The following SUGCT variants were observed in gnomAD, a reference collection of about 807,000 sequenced individuals.
SUGCT encodes succinyl-CoA:glutarate-CoA transferase, also known as succinyl-CoA:glutarate CoA-transferase.
SUGCT carries 41 observed loss-of-function variants against 55.0 expected under a neutral mutation model. That is an observed-to-expected ratio of 0.74 (90% CI 0.58 to 0.97). SUGCT has a LOEUF of 0.97. Among genes scored for constraint, SUGCT ranks in the 50% least tolerant of loss-of-function variants. SUGCT has a pLI of 0.00. For synonymous variants in SUGCT, 187 were observed against 200.4 expected (o/e 0.93, Z 0.56); for missense variants, 568 against 547.8 (o/e 1.04, Z -0.37).
intron 13 of SUGCT, among the ~76,000 whole-genome samples, chr7:40,775,870 G>A (rs1344036610): frequency 6.6e-6 from 1 of 152,204 alleles, no homozygotes; most frequent in Non-Finnish European, 1.5e-5. Context: ...ACACAGATAA[G>A]GCTTTCAGAA....
At chr7:40,415,380 A>T (rs1338049281) in intron 9 of SUGCT, among the ~76,000 whole-genome samples, 1 of 148,674 alleles carries the variant, frequency 6.7e-6, no homozygotes, top group Non-Finnish European at 1.5e-5. Flanking sequence ...GTTTATGTTT[A>T]TTGGACATTT....
At chr7:40,995,731 C>G in the SUGCT span, among the ~76,000 whole-genome samples, 65 of 152,078 alleles carry the variant, frequency 4.3e-4, 2 homozygotes, top group Non-Finnish European at 7.4e-5. Context: ...AACTTAAAAC[C>G]TTACAGCCCT....
chr7:40,411,825 A>G (rs148059888), intron 9 of SUGCT, among the ~76,000 whole-genome samples: 49 of 152,318 alleles, frequency 3.2e-4, no homozygotes, highest in African/African-American at 1.0e-3. Flanking sequence ...GGATATCCCA[A>G]TTGCCCTGAT....
the SUGCT span, among the ~76,000 whole-genome samples, chr7:40,968,340 C>T: frequency 5.9e-5 from 9 of 152,188 alleles, no homozygotes; most frequent in Non-Finnish European, 1.2e-4. Flanking sequence ...AACAGTGGAA[C>T]CGTGTCTGCC....
the SUGCT span, among the ~76,000 whole-genome samples, chr7:40,913,071 C>T: frequency 2.1e-5 from 3 of 140,520 alleles, no homozygotes; most frequent in East Asian, 4.2e-4. Flanking sequence ...AGTGCAGTGG[C>T]GCGATCTTGG....
chr7:40,611,127 GT>G (rs201642440), intron 12 of SUGCT, among the ~76,000 whole-genome samples: 1,718 of 152,282 alleles, frequency 0.011, 22 homozygotes, highest in African/African-American at 0.038. Flanking sequence ...CACTCATACA[GT>G]TTTTTAGTCA....
chr7:40,341,156 CTATT>C (rs1392238160), intron 9 of SUGCT, among the ~76,000 whole-genome samples: 2 of 152,152 alleles, frequency 1.3e-5, no homozygotes, highest in African/African-American at 2.4e-5. Context: ...ACCCTACAAT[CTATT>C]GACTGTTGAA....
chr7:40,582,536 A>T (rs1410481468), intron 12 of SUGCT, among the ~76,000 whole-genome samples: 1 of 152,184 alleles, frequency 6.6e-6, no homozygotes, highest in Non-Finnish European at 1.5e-5. Flanking sequence ...CTATTTGTAG[A>T]CACTATTTTT....
rs1185009195 is a variant in SUGCT, at chr7:40,272,107, ATATATG to A, written c.577-2405_577-2400del. Among the ~76,000 whole-genome samples the A allele has an allele frequency of 9.0e-3, 1,153 of 127,476 alleles. 86 individuals are homozygous for A. The highest frequency in any genetic ancestry group is 0.035 in the African/African-American group (1,103 of 31,228). The allele number at this position is 127,476 out of a possible 152,430, so 83.6% of individuals were successfully genotyped here. ...TCTCTCTCTCTCTCTATATATATAT[ATATATG>A]GATGTTTCAAAAACAACTGCAATGT... On this transcript the variant is annotated intron_variant, in intron 7 of 13. Transcript: ENST00000335693.
At chr7:40,580,272 C>T (rs1797011783) in intron 12 of SUGCT, among the ~76,000 whole-genome samples, 1 of 152,136 alleles carries the variant, frequency 6.6e-6, no homozygotes, top group Admixed American at 6.5e-5. Flanking sequence ...TTATCTATCT[C>T]TTGATCAATT....
At chr7:41,026,123 C>A in the SUGCT span, among the ~76,000 whole-genome samples, 2 of 152,240 alleles carry the variant, frequency 1.3e-5, no homozygotes, top group Non-Finnish European at 2.9e-5. Flanking sequence ...TCTTACGTTG[C>A]CTCCTGGCCA....
At chr7:40,480,116 C>T (rs776024724) in intron 11 of SUGCT, among the ~76,000 whole-genome samples, 13 of 151,872 alleles carry the variant, frequency 8.6e-5, no homozygotes, top group African/African-American at 1.2e-4. Context: ...AGGAAACTTT[C>T]CCCCCATCTT....
At position 40,491,992 on chromosome 7, in the gene SUGCT, A is replaced by AAAATAAATAAATAAATAAAT. The variant is rs10669502; in HGVS notation, c.987-4285_987-4266dup. Among the ~76,000 whole-genome samples the AAAATAAATAAATAAATAAAT allele has an allele frequency of 5.4e-3, 814 of 150,126 alleles. 7 individuals are homozygous for AAAATAAATAAATAAATAAAT. Among genetic ancestry groups the AAAATAAATAAATAAATAAAT allele is most frequent in the African/African-American group, 0.018 (731 of 40,278 alleles). On this transcript the variant is annotated intron_variant, in intron 11 of 13. Coordinates refer to ENST00000335693, the MANE Select transcript of SUGCT (RefSeq NM_001193313.2). ...GCGATAGAGCAAAACTCTGTTTCCA[A>AAAATAAATAAATAAATAAAT]AAATAAATAAATAAATAAATAAATA...
chr7:40,935,346 C>T, the SUGCT span, among the ~76,000 whole-genome samples: 22 of 152,190 alleles, frequency 1.4e-4, no homozygotes, highest in East Asian at 5.8e-4. Context: ...CCATTGAATT[C>T]GAGAACATTT....
intron 12 of SUGCT, among the ~76,000 whole-genome samples, chr7:40,661,712 G>C (rs1361316397): frequency 1.3e-5 from 2 of 152,040 alleles, no homozygotes; most frequent in Admixed American, 6.6e-5. Context: ...CCTATACTCA[G>C]CCTCTCAGCA....
chr7:40,604,036 C>T (rs1017582445), intron 12 of SUGCT, among the ~76,000 whole-genome samples: 1 of 152,152 alleles, frequency 6.6e-6, no homozygotes, highest in Admixed American at 6.6e-5. Flanking sequence ...CACCATTTTT[C>T]AGTAGCCATG....
the SUGCT span, among the ~76,000 whole-genome samples, chr7:41,003,557 T>G: frequency 6.6e-6 from 1 of 152,166 alleles, no homozygotes; most frequent in African/African-American, 2.4e-5. Context: ...CCCAAACTGT[T>G]AAATCCATGC....
intron 1 of SUGCT, among the ~76,000 whole-genome samples, chr7:40,168,352 G>A (rs996841759): frequency 6.6e-6 from 1 of 152,184 alleles, no homozygotes; most frequent in African/African-American, 2.4e-5. Context: ...GGTGCCTTCG[G>A]TGTCATCAAC....
downstream of SUGCT, among the ~76,000 whole-genome samples, chr7:40,865,188 C>G (rs1794557430): frequency 6.6e-6 from 1 of 151,964 alleles, no homozygotes; most frequent in East Asian, 1.9e-4. Context: ...TCTCCTCATC[C>G]TTTCTCTCTC....
Sources: gnomAD v4.1 joint callset for allele counts (sites outside exome capture counted in the v4.1 genomes callset) on GRCh38, gnomAD v4.1.1 for gene constraint, MANE v1.5 for transcripts, NCBI Gene and HGNC (gene_info 2026-07-23, HGNC 2026-07-21) for gene names.